The following MLLT1 variants were observed in gnomAD, a reference collection of about 807,000 sequenced individuals.
MLLT1 encodes the protein MLLT1 super elongation complex subunit.
Under a neutral mutation model 55.1 loss-of-function variants are expected in MLLT1, and 11 were observed. The ratio of observed to expected loss-of-function variants is 0.20; its 90% CI spans 0.13 to 0.33. The LOEUF is 0.33. Ranked by LOEUF, MLLT1 falls within the 10% of genes least tolerant of loss-of-function variation. The pLI, the probability that MLLT1 is intolerant of heterozygous loss-of-function variation, is 1.00. For synonymous variants in MLLT1, 323 were observed against 320.1 expected (o/e 1.01, Z -0.10); for missense variants, 536 against 760.6 (o/e 0.70, Z 3.47).
At chr19:6,220,374 C>T (rs1277952480) in intron 6 of MLLT1, among the ~76,000 whole-genome samples, 4 of 152,246 alleles carry the variant, frequency 2.6e-5, no homozygotes, top group African/African-American at 7.2e-5. Context: ...GACCTCGGGG[C>T]GCTAAGCCGC....
rs559943032 is a variant in MLLT1, at chr19:6,231,173, G to A, written c.277-460C>T. 4.1e-4 allele frequency among the ~76,000 whole-genome samples: 62 copies of A among 152,290 alleles called. No individual in the cohort carries two copies. The highest frequency in any genetic ancestry group is 1.9e-3 in the South Asian group (9 of 4,832). Reference sequence around the variant, plus strand: ...CAGGACACAGGACACAGACTCAAACGACAGCACAGCACCCAGAGGGGGCAA... The same window carrying A: ...CAGGACACAGGACACAGACTCAAACAACAGCACAGCACCCAGAGGGGGCAA... On this transcript the variant is annotated intron_variant, in intron 3 of 11. Transcript: ENST00000252674. The surrounding 1 kb of genome is among the most constrained non-coding windows in gnomAD (Gnocchi z 5.1).
rs114820732 is a variant in MLLT1 at position 6,239,718 on chromosome 19, C to A, written c.277-9005G>T. 1.5e-3 allele frequency among the ~76,000 whole-genome samples: 231 copies of A among 151,654 alleles called. 1 individual carries two copies. Among genetic ancestry groups the A allele is most frequent in the African/African-American group, 5.4e-3 (221 of 41,158 alleles). ...CAAACACACCCGTGTACACACACAC[C>A]CCCACACTCATACACTCAGACTTAC... On this transcript the variant is annotated intron_variant, in intron 3 of 11. Transcript: ENST00000252674.
chr19:6,220,495 G>A (rs570733349), intron 6 of MLLT1, among the ~76,000 whole-genome samples: 13 of 152,360 alleles, frequency 8.5e-5, no homozygotes, highest in Non-Finnish European at 1.3e-4. Flanking sequence ...TCTAAGCAGC[G>A]GCGTCCGAGG....
rs116022389 is a variant in MLLT1, at chr19:6,239,591, G to A, written c.277-8878C>T. Among the ~76,000 whole-genome samples, 1,204 of 151,880 alleles carry A rather than the reference G, an allele frequency of 7.9e-3. 18 individuals are homozygous for A. Among genetic ancestry groups the A allele is most frequent in the African/African-American group, 0.027 (1,128 of 41,424 alleles). ...CACACTTACCCACATGCACACCTGT[G>A]TACTCACACATGCACATGCACACAC... On this transcript the variant is annotated intron_variant, in intron 3 of 11. Transcript: ENST00000252674.
At chr19:6,237,496 G>A (rs532125905) in intron 3 of MLLT1, among the ~76,000 whole-genome samples, 9 of 151,864 alleles carry the variant, frequency 5.9e-5, no homozygotes, top group South Asian at 2.1e-4. Context: ...GGTGGCTCAC[G>A]CCTGTAATCC....
rs570920732 is a variant in MLLT1 at position 6,279,884 on chromosome 19, GCGCCGCCGCCGCCGC to G, written c.-115_-101del. On this transcript the variant is annotated 5_prime_UTR_variant, in exon 1 of 12. Coordinates refer to ENST00000252674, the MANE Select transcript of MLLT1 (RefSeq NM_005934.4). ...CCCCGCCGCCCTCATTGTCTGTCAA[GCGCCGCCGCCGCCGC>G]CGCCGCCGCCGATCCCGGCCGCCCG... 1.2e-5 allele frequency: 2 copies of G among 164,120 alleles called. No individual in the cohort carries two copies. The highest frequency in any genetic ancestry group is 2.4e-5 in the Non-Finnish European group (2 of 81,778). The allele number at this position is 164,120 out of a possible 1,614,324, so 10.2% of individuals were successfully genotyped here.
At position 6,262,057 on chromosome 19, in the gene MLLT1, C is replaced by T. The variant is rs1417395110; in HGVS notation, c.276+171G>A. ...GTCATGAAACCAGCCGTGTCCTGGCCCCCGACGTCCCCAGGAATGGAGATG... is the reference window on the plus strand; with the variant it reads ...GTCATGAAACCAGCCGTGTCCTGGCTCCCGACGTCCCCAGGAATGGAGATG... On this transcript the variant is annotated intron_variant, in intron 3 of 11. Transcript: ENST00000252674. This position sits in a 1 kb window ranked among gnomAD's most constrained non-coding sequence, Gnocchi z 4.4. 6.6e-6 allele frequency among the ~76,000 whole-genome samples: 1 copy of T among 152,152 alleles called. No homozygotes were observed. The highest frequency in any genetic ancestry group is 2.4e-5 in the African/African-American group (1 of 41,424).
chr19:6,256,985 A>G lies in MLLT1; in HGVS notation c.276+5243T>C, dbSNP rs1358225460. Among the ~76,000 whole-genome samples, 1 of 152,206 alleles carries G rather than the reference A, an allele frequency of 6.6e-6. No individual in the cohort carries two copies. Among genetic ancestry groups the G allele is most frequent in the Non-Finnish European group, 1.5e-5 (1 of 68,034 alleles). On this transcript the variant is annotated intron_variant, in intron 3 of 11. Transcript: ENST00000252674. This position sits in a 1 kb window ranked among gnomAD's most constrained non-coding sequence, Gnocchi z 4.1. ...GGACACCTGGAAAACCACATGCAAA[A>G]GAATACTGTTAGACCCCCACTTCAC...
intron 3 of MLLT1, among the ~76,000 whole-genome samples, chr19:6,251,616 C>G (rs1474662602): frequency 6.6e-6 from 1 of 152,140 alleles, no homozygotes. Flanking sequence ...TAGATGTCAA[C>G]TTGACTGAAT....
intron 3 of MLLT1, among the ~76,000 whole-genome samples, chr19:6,242,057 C>T (rs1200023190): frequency 6.6e-6 from 1 of 152,206 alleles, no homozygotes; most frequent in Non-Finnish European, 1.5e-5. Context: ...TCTGCGCCAG[C>T]AGGTCAGGGG....
chr19:6,216,599 A>G (rs1449879492), intron 7 of MLLT1, 86 bp from the exon 8 acceptor site: 1 of 959,304 alleles, frequency 1.0e-6, no homozygotes, highest in Admixed American at 2.3e-5. Context: ...GGCCACGCAG[A>G]GCTTCTTGAC....
Position 6,268,055 on chromosome 19 carries a change from G to A in MLLT1, c.193+2524C>T, listed in dbSNP as rs527513685. ...GACAAGATGAAGAAGTCATATGTAC[G>A]AGATGTTAAGATGGTGCTAAGGAGA... On this transcript the variant is annotated intron_variant, in intron 2 of 11. Transcript: ENST00000252674. Among the ~76,000 whole-genome samples, 47 of 152,328 alleles carry A rather than the reference G, an allele frequency of 3.1e-4. No homozygotes were observed. The South Asian group carries it at 6.8e-3, about 22-fold the overall frequency.
Position 6,222,297 on chromosome 19 carries a change from G to T in MLLT1, c.934C>A (p.Pro312Thr), listed in dbSNP as rs777223013. 6.2e-7 allele frequency: 1 copy of T among 1,608,150 alleles called. No individual in the cohort carries two copies. The highest frequency in any genetic ancestry group is 1.7e-5 in the Admixed American group (1 of 59,394). The change falls in exon 6 of 12, where the codon CCA becomes ACA. Residue 312 changes from proline (P) to threonine (T), a missense_variant. Pro to Thr is a conservative substitution (Grantham distance 38). Transcript: ENST00000252674. The surrounding 1 kb of genome is among the most constrained non-coding windows in gnomAD (Gnocchi z 4.1). ...GAGGAGGTGCGGGGCGAGGTGCCTG[G>T]AGCACTCCGGGACCCCTTCGAGCTG... ...KSSSKGSRSA[P>T]GTSPRTSSSS...
intron 5 of MLLT1, among the ~76,000 whole-genome samples, chr19:6,225,638 C>G (rs1568279072): frequency 6.6e-6 from 1 of 152,184 alleles, no homozygotes; most frequent in Non-Finnish European, 1.5e-5. Context: ...GAGAAGCCTC[C>G]AGGGACGGAG....
intron 3 of MLLT1, among the ~76,000 whole-genome samples, chr19:6,254,486 T>G (rs951257719): frequency 1.3e-5 from 2 of 152,238 alleles, no homozygotes; most frequent in Non-Finnish European, 2.9e-5. Flanking sequence ...GACTCGCGAC[T>G]GGCATCTGAA....
chr19:6,252,927 A>C (rs915101383), intron 3 of MLLT1, among the ~76,000 whole-genome samples: 1 of 152,176 alleles, frequency 6.6e-6, no homozygotes, highest in South Asian at 2.1e-4. Context: ...CAGCTAGATA[A>C]TGTAAATAAG....
rs760548664 is a variant in MLLT1 at position 6,226,959 on chromosome 19, G to A, written c.546+18C>T. 6.3e-7 allele frequency: 1 copy of A among 1,578,622 alleles called. No homozygotes were observed. The highest frequency in any genetic ancestry group is 8.6e-7 in the Non-Finnish European group (1 of 1,164,106). The stretch of plus-strand genomic sequence containing the variant: ...GGCCCCGGCGCTCCCACGCGACTGG[G>A]CCTTCCGCCTCACTAACCTTGGAGC... On this transcript the variant is annotated intron_variant, in intron 5 of 11. Transcript: ENST00000252674. This position sits in a 1 kb window ranked among gnomAD's most constrained non-coding sequence, Gnocchi z 6.3.
In MLLT1 at chr19:6,216,385, G is replaced by A; in HGVS notation, c.1307+20C>T. 3 of 1,575,000 alleles carry A rather than the reference G, an allele frequency of 1.9e-6. No individual in the cohort carries two copies. The South Asian group carries it at 3.4e-5, about 18-fold the overall frequency. On this transcript the variant is annotated intron_variant, in intron 8 of 11. Coordinates refer to ENST00000252674, the MANE Select transcript of MLLT1 (RefSeq NM_005934.4). ...CCCCGGGTGGCCGCCTCCGCCCCCT[G>A]GCTCCCACCGGGCCGTCACCTGGAG...
chr19:6,239,798 A>T (rs1359375990), intron 3 of MLLT1, among the ~76,000 whole-genome samples: 1 of 152,138 alleles, frequency 6.6e-6, no homozygotes, highest in African/African-American at 2.4e-5. Flanking sequence ...CTGTACACAT[A>T]CACACTCACA....
Sources: gnomAD v4.1 joint callset for allele counts (sites outside exome capture counted in the v4.1 genomes callset) on GRCh38, gnomAD v4.1.1 for gene constraint, Gnocchi (gnomAD v3.1) non-coding constraint, MANE v1.5 for transcripts, NCBI Gene and HGNC (gene_info 2026-07-23, HGNC 2026-07-21) for gene names.